SIK2: variants seen among roughly 807,000 people sequenced by gnomAD.
SIK2 encodes salt inducible kinase 2, also known as serine/threonine-protein kinase SIK2.
SIK2 carries 29 observed loss-of-function variants against 103.2 expected under a neutral mutation model. That is an observed-to-expected ratio of 0.28 (90% CI 0.21 to 0.38). The LOEUF (loss-of-function observed/expected upper bound fraction) is 0.38, where lower values mean the gene tolerates loss of function less well. SIK2 is among the 10% of genes least tolerant of loss of function. The probability of loss-of-function intolerance (pLI) is 1.00; values close to 1 mark genes in which losing one functional copy is unlikely to be tolerated. For missense variants in SIK2, 879 were observed against 1,171.0 expected (o/e 0.75, Z 3.64); for synonymous variants, 412 against 446.1 (o/e 0.92, Z 0.96).
intron 1 of SIK2, among the ~76,000 whole-genome samples, chr11:111,614,077 C>T (rs1565307783): frequency 1.5e-5 from 2 of 131,786 alleles, no homozygotes; most frequent in Non-Finnish European, 3.2e-5. Flanking sequence ...CTTTTTGACT[C>T]TCCCCCCATT....
chr11:111,620,596 C>T (rs181654697), intron 3 of SIK2, among the ~76,000 whole-genome samples, 194 bp downstream of exon 3: 31 of 152,194 alleles, frequency 2.0e-4, no homozygotes, highest in Non-Finnish European at 3.5e-4. Flanking sequence ...ATTAAAGGTA[C>T]TACTTCTGTC....
intron 1 of SIK2, among the ~76,000 whole-genome samples, chr11:111,610,943 A>G (rs539234382): frequency 1.3e-5 from 2 of 152,090 alleles, no homozygotes; most frequent in Non-Finnish European, 2.9e-5. Context: ...CTAATACTCT[A>G]TTGATTATAT....
Position 111,703,409 on chromosome 11 carries a change from C to A in SIK2, c.934C>A (p.Gln312Lys). The change falls in exon 7 of 15, where the codon CAG (glutamine) becomes AAG (lysine). Residue 312 changes from glutamine to lysine, a missense_variant. Transcript: ENST00000304987. ...GATGCACAGCCTTGGAATAGATCAG[C>A]AGAAAACCATTGAGGTAAAGTGATC... ...RLMHSLGIDQQKTIESLQNKS... is the reference protein window; with the variant it reads ...RLMHSLGIDQKKTIESLQNKS... 6.2e-7 allele frequency: 1 copy of A among 1,613,740 alleles called. No individual in the cohort carries two copies. The highest frequency in any genetic ancestry group is 8.5e-7 in the Non-Finnish European group (1 of 1,179,842).
chr11:111,687,901 G>A, intron 3 of SIK2, 100 bp from the exon 4 acceptor site: 1 of 1,304,410 alleles, frequency 7.7e-7, no homozygotes, highest in African/African-American at 1.5e-5. Flanking sequence ...CACTGCTCCT[G>A]GCCAGAAAAA....
At position 111,720,573 on chromosome 11, in the gene SIK2, G is replaced by A; in HGVS notation, c.1591G>A (p.Asp531Asn). 1 of 1,614,140 alleles carries A rather than the reference G, an allele frequency of 6.2e-7. No individual in the cohort carries two copies. The highest frequency in any genetic ancestry group is 8.5e-7 in the Non-Finnish European group (1 of 1,180,030). Reference sequence around the variant, plus strand: ...TCAGAGGGACCTGAACTTTCTGGAAGACAACCCTTCCCTTAAGGACATCAT... The same window carrying A: ...TCAGAGGGACCTGAACTTTCTGGAAAACAACCCTTCCCTTAAGGACATCAT... ...SVQRDLNFLE[D>N]NPSLKDIMLA... The change falls in exon 11 of 15, where the codon GAC becomes AAC. Residue 531 changes from aspartate (D) to asparagine (N), a missense_variant. This residue lies in a region of SIK2 where 222 missense variants were observed against 258.0 expected (regional missense o/e 0.86). Coordinates refer to ENST00000304987, the MANE Select transcript of SIK2 (RefSeq NM_015191.3).
rs938929056 is a variant in SIK2, at chr11:111,725,099, A to G, written c.*970A>G. The G allele has an allele frequency of 6.6e-6, 1 of 152,670 alleles. No homozygotes were observed. The highest frequency in any genetic ancestry group is 2.4e-5 in the African/African-American group (1 of 41,464). The allele number at this position is 152,670 out of a possible 1,614,324, so 9.5% of individuals were successfully genotyped here. ...GAGCTTTGTATATTTGGACAGTTTCATATAGGGCTTAGAGATTTTAAGGAC... is the reference window on the plus strand; with the variant it reads ...GAGCTTTGTATATTTGGACAGTTTCGTATAGGGCTTAGAGATTTTAAGGAC... On this transcript the variant is annotated 3_prime_UTR_variant, in exon 15 of 15. Transcript: ENST00000304987.
At chr11:111,610,506 TAACA>T (rs955309541) in intron 1 of SIK2, among the ~76,000 whole-genome samples, 23 of 149,884 alleles carry the variant, frequency 1.5e-4, no homozygotes, top group South Asian at 2.1e-4. Flanking sequence ...AAAAAAAAGA[TAACA>T]AACAGTTTGA....
chr11:111,652,179 G>A (rs1190574635), intron 3 of SIK2, among the ~76,000 whole-genome samples: 1 of 152,056 alleles, frequency 6.6e-6, no homozygotes, highest in Non-Finnish European at 1.5e-5. Context: ...ATACATATGT[G>A]AAACAATGTA....
At chr11:111,676,650 A>T (rs1644303777) in intron 3 of SIK2, among the ~76,000 whole-genome samples, 1 of 152,230 alleles carries the variant, frequency 6.6e-6, no homozygotes, top group Admixed American at 6.5e-5. Flanking sequence ...GATGTCTTAG[A>T]TCTCAAATAT....
chr11:111,712,188 G>C (rs1425634369), intron 8 of SIK2, 23 bp from the exon 9 acceptor site: 1 of 1,610,212 alleles, frequency 6.2e-7, no homozygotes, highest in South Asian at 1.1e-5. Context: ...TTCCCAAACT[G>C]TCTGTTCTTG....
chr11:111,682,734 T>C (rs944048604), intron 3 of SIK2, among the ~76,000 whole-genome samples: 1 of 152,244 alleles, frequency 6.6e-6, no homozygotes, highest in East Asian at 1.9e-4. Context: ...ACTTTCATAA[T>C]AGAAAATTTT....
At chr11:111,644,403 T>G (rs1419148258) in intron 3 of SIK2, among the ~76,000 whole-genome samples, 6 of 151,974 alleles carry the variant, frequency 3.9e-5, no homozygotes, top group African/African-American at 1.2e-4. Flanking sequence ...AAAAAAAAGG[T>G]TTTTTTCAAA....
intron 7 of SIK2, among the ~76,000 whole-genome samples, chr11:111,704,429 G>C (rs1185888020): frequency 6.6e-6 from 1 of 152,206 alleles, no homozygotes; most frequent in African/African-American, 2.4e-5. Flanking sequence ...GGTTTTAAGA[G>C]GGTGGGACTG....
At chr11:111,671,345 C>T in intron 3 of SIK2, 1 of 234,696 alleles carries the variant, frequency 4.3e-6, no homozygotes, top group South Asian at 6.2e-5. Context: ...TCCAGCTCCA[C>T]CAGCTTGGCA....
chr11:111,674,711 A>G (rs1418313775), intron 3 of SIK2, among the ~76,000 whole-genome samples: 1 of 151,912 alleles, frequency 6.6e-6, no homozygotes, highest in Non-Finnish European at 1.5e-5. Context: ...TGTTTCCAAT[A>G]TTGGAAATTG....
chr11:111,639,700 G>T (rs975273385), intron 3 of SIK2, among the ~76,000 whole-genome samples: 5 of 152,102 alleles, frequency 3.3e-5, no homozygotes, highest in African/African-American at 1.2e-4. Context: ...GATTGTATAT[G>T]CATCTTTCTC....
chr11:111,606,038 T>C (rs1941644396), intron 1 of SIK2, among the ~76,000 whole-genome samples: 1 of 152,222 alleles, frequency 6.6e-6, no homozygotes, highest in South Asian at 2.1e-4. Flanking sequence ...AATAATAGCA[T>C]GTCAGCTGTT....
At chr11:111,689,970 G>A (rs543237944) in intron 4 of SIK2, among the ~76,000 whole-genome samples, 2 of 137,758 alleles carry the variant, frequency 1.5e-5, no homozygotes, top group South Asian at 2.2e-4. Flanking sequence ...ATTCATTTGT[G>A]TGTGTGTGTA....
At chr11:111,633,149 C>G (rs1468138254) in intron 3 of SIK2, among the ~76,000 whole-genome samples, 1 of 152,184 alleles carries the variant, frequency 6.6e-6, no homozygotes, top group African/African-American at 2.4e-5. Flanking sequence ...GCCCTTTGCT[C>G]TCTGCCTATT....
Sources: allele counts gnomAD v4.1 joint callset (sites outside exome capture counted in the v4.1 genomes callset), GRCh38; gene constraint gnomAD v4.1.1; regional missense constraint gnomAD v4.1.1; transcripts MANE v1.5; gene names NCBI Gene and HGNC (gene_info 2026-07-23, HGNC 2026-07-21).